The following YEATS2 variants were observed in gnomAD, a reference collection of about 807,000 sequenced individuals.
The protein encoded by YEATS2 is YEATS domain-containing protein 2.
A neutral mutation model predicts 163.2 loss-of-function variants in YEATS2; 77 were observed. The observed-to-expected ratio is 0.47, with a 90% CI of 0.39 to 0.57. The LOEUF is 0.57. Among genes scored for constraint, YEATS2 ranks in the 20% least tolerant of loss-of-function variants. The probability of loss-of-function intolerance (pLI) is 0.00; values close to 1 mark genes in which losing one functional copy is unlikely to be tolerated. For synonymous variants in YEATS2, 631 were observed against 645.1 expected (o/e 0.98, Z 0.33); for missense variants, 1,549 against 1,729.8 (o/e 0.90, Z 1.85).
chr3:183,712,073 C>T (rs956215951), intron 1 of YEATS2, among the ~76,000 whole-genome samples: 1 of 151,702 alleles, frequency 6.6e-6, no homozygotes, highest in Non-Finnish European at 1.5e-5. Flanking sequence ...CTACCTTGCC[C>T]TCCCAAAGTG....
chr3:183,716,128 A>T (rs1715847052), intron 2 of YEATS2, among the ~76,000 whole-genome samples: 2 of 151,714 alleles, frequency 1.3e-5, no homozygotes, highest in East Asian at 1.9e-4. Context: ...CCTTGCTAAT[A>T]TTTTGTATTT....
At chr3:183,699,900 T>C (rs1713878929) in intron 1 of YEATS2, among the ~76,000 whole-genome samples, 1 of 152,188 alleles carries the variant, frequency 6.6e-6, no homozygotes, top group Non-Finnish European at 1.5e-5. Flanking sequence ...CTGTCCATAG[T>C]TCTGGAAGTG....
Position 183,715,179 on chromosome 3 carries a change from G to C in YEATS2, c.17G>C (p.Arg6Pro). Residue 6 changes from arginine to proline, a missense_variant, in exon 2 of 31, where the codon CGA (arginine) becomes CCA (proline). Arg to Pro is a moderately radical substitution (Grantham distance 103). Transcript: ENST00000305135. MSGIK[R>P]TIKETDPDYE... Reference sequence around the variant, plus strand: ...AATGTCATCATGTCTGGAATCAAGCGAACCATCAAAGAAACCGACCCTGAT... The same window carrying C: ...AATGTCATCATGTCTGGAATCAAGCCAACCATCAAAGAAACCGACCCTGAT... The C allele has an allele frequency of 2.5e-6, 4 of 1,612,838 alleles. No homozygotes were observed. Among genetic ancestry groups the C allele is most frequent in the Non-Finnish European group, 2.5e-6 (3 of 1,179,336 alleles).
chr3:183,787,798 C>T (rs1033424464), intron 20 of YEATS2, among the ~76,000 whole-genome samples: 6 of 151,856 alleles, frequency 4.0e-5, no homozygotes, highest in African/African-American at 4.8e-5. Flanking sequence ...GAGATCAAAC[C>T]ATCCTGGCTA....
chr3:183,777,804 A>G, intron 19 of YEATS2, 104 bp downstream of exon 19: 3 of 1,425,100 alleles, frequency 2.1e-6, no homozygotes, highest in Non-Finnish European at 2.8e-6. Context: ...AAGGTTACAT[A>G]AGAAAATGAA....
intron 23 of YEATS2, among the ~76,000 whole-genome samples, chr3:183,799,977 C>T (rs906505858): frequency 1.3e-5 from 2 of 151,826 alleles, no homozygotes; most frequent in Non-Finnish European, 2.9e-5. Flanking sequence ...GGACTACAGG[C>T]GCCCGCCACC....
Position 183,756,653 on chromosome 3 carries a change from C to T in YEATS2, c.1516C>T (p.Pro506Ser). Residue 506 changes from proline to serine, a missense_variant, in exon 12 of 31, where the codon CCG (proline) becomes TCG (serine). Physicochemically the swap from Pro to Ser is moderately conservative, Grantham distance 74. Transcript: ENST00000305135. ...NNPYVIMDKQPGQVIGATTPS... is the reference protein window; with the variant it reads ...NNPYVIMDKQSGQVIGATTPS... ...TCCTTATGTTATCATGGACAAGCAG[C>T]CGGGGCAGGTGATTGGAGCCACCAC... 2 of 1,592,990 alleles carry T rather than the reference C, an allele frequency of 1.3e-6. No individual in the cohort carries two copies. The highest frequency in any genetic ancestry group is 4.6e-5 in the East Asian group (2 of 43,956).
chr3:183,746,410 A>G (rs1191289837), intron 8 of YEATS2, among the ~76,000 whole-genome samples: 4 of 152,212 alleles, frequency 2.6e-5, no homozygotes, highest in Non-Finnish European at 4.4e-5. Context: ...TAAGAACGCT[A>G]AAAATGTTTA....
intron 7 of YEATS2, among the ~76,000 whole-genome samples, chr3:183,734,130 G>C (rs78910995): frequency 6.6e-6 from 1 of 152,246 alleles, no homozygotes; most frequent in East Asian, 1.9e-4. Flanking sequence ...TGAAATTTTC[G>C]AGTAGCCACA....
intron 8 of YEATS2, among the ~76,000 whole-genome samples, chr3:183,740,264 A>C (rs907893249): frequency 9.2e-5 from 14 of 152,016 alleles, no homozygotes; most frequent in African/African-American, 3.4e-4. Flanking sequence ...CAAGAAAAAA[A>C]CAAACAACCC....
chr3:183,738,391 C>CT (rs1173865612), intron 8 of YEATS2, among the ~76,000 whole-genome samples: 3,661 of 74,006 alleles, frequency 0.049, 153 homozygotes, highest in African/African-American at 0.12. Flanking sequence ...AGGAAAAGTT[C>CT]TTTTTTTTTT....
intron 15 of YEATS2, among the ~76,000 whole-genome samples, chr3:183,764,392 A>AC (rs397794317): frequency 6.8e-6 from 1 of 147,804 alleles, no homozygotes; most frequent in African/African-American, 2.5e-5. Flanking sequence ...AAAAAAAAAA[A>AC]GATATCATAT....
rs574135087 is a variant in YEATS2 at position 183,811,498 on chromosome 3, T to C, written c.*915T>C. 1 of 152,630 alleles carries C rather than the reference T, an allele frequency of 6.6e-6. No homozygotes were observed. Among genetic ancestry groups the C allele is most frequent in the African/African-American group, 2.4e-5 (1 of 41,430 alleles). 9.5% of individuals were successfully genotyped at this position (152,630 alleles called of 1,614,324 possible). On this transcript the variant is annotated 3_prime_UTR_variant, in exon 31 of 31. Coordinates refer to ENST00000305135, the MANE Select transcript of YEATS2 (RefSeq NM_018023.5). Reference sequence around the variant, plus strand: ...TGTCCTATCCGTGGATTGTATATACTCTTCTCTGTTAAGGAGTTTTTCCCA... The same window carrying C: ...TGTCCTATCCGTGGATTGTATATACCCTTCTCTGTTAAGGAGTTTTTCCCA...
intron 21 of YEATS2, among the ~76,000 whole-genome samples, chr3:183,796,923 G>GT (rs748277240): frequency 4.6e-5 from 7 of 152,094 alleles, no homozygotes; most frequent in Admixed American, 3.9e-4. Flanking sequence ...CTTCATGGTT[G>GT]TGGGACGAGG....
At chr3:183,761,050 G>C (rs1453431679) in intron 13 of YEATS2, among the ~76,000 whole-genome samples, 1 of 152,078 alleles carries the variant, frequency 6.6e-6, no homozygotes, top group Non-Finnish European at 1.5e-5. Context: ...TTAAAATGCA[G>C]GTGTAGAGGC....
chr3:183,751,182 C>A (rs576667756), intron 9 of YEATS2, among the ~76,000 whole-genome samples: 12 of 152,192 alleles, frequency 7.9e-5, no homozygotes, highest in Non-Finnish European at 1.3e-4. Flanking sequence ...GTTTCCCTGG[C>A]ACCATTTGCT....
At chr3:183,788,833 A>G (rs1724321340) in intron 20 of YEATS2, among the ~76,000 whole-genome samples, 1 of 151,254 alleles carries the variant, frequency 6.6e-6, no homozygotes, top group African/African-American at 2.5e-5. Context: ...ACTGGGTGGG[A>G]TGCTTTCTCA....
At chr3:183,755,807 G>T (rs1199141171) in intron 11 of YEATS2, among the ~76,000 whole-genome samples, 1 of 133,872 alleles carries the variant, frequency 7.5e-6, no homozygotes, top group Non-Finnish European at 1.5e-5. Flanking sequence ...AGGCTGGAGT[G>T]CAATGGCACG....
chr3:183,750,612 A>G (rs1318640279), intron 9 of YEATS2, among the ~76,000 whole-genome samples: 2 of 152,016 alleles, frequency 1.3e-5, no homozygotes, highest in Non-Finnish European at 2.9e-5. Context: ...ATTTTAATTT[A>G]TAGTAGTTAT....
Sources: allele counts gnomAD v4.1 joint callset (sites outside exome capture counted in the v4.1 genomes callset), GRCh38; gene constraint gnomAD v4.1.1; transcripts MANE v1.5; gene names NCBI Gene and HGNC (gene_info 2026-07-23, HGNC 2026-07-21).